The following DCAF16 variants were observed in gnomAD, a reference collection of about 807,000 sequenced individuals.
DCAF16 encodes DDB1- and CUL4-associated factor 16.
Under a neutral mutation model 17.3 loss-of-function variants are expected in DCAF16, and 10 were observed. The observed-to-expected ratio is 0.58, with a 90% CI of 0.36 to 0.98. The LOEUF is 0.98. Among genes scored for constraint, DCAF16 ranks in the 50% least tolerant of loss-of-function variants. DCAF16 has a pLI of 0.01. For synonymous variants in DCAF16, 111 were observed against 92.8 expected (o/e 1.20, Z -1.12); for missense variants, 249 against 247.6 (o/e 1.01, Z -0.04).
chr4:17,810,154 G>A (rs1005063623), intron 1 of DCAF16, among the ~76,000 whole-genome samples: 1 of 152,112 alleles, frequency 6.6e-6, no homozygotes, highest in Non-Finnish European at 1.5e-5. Flanking sequence ...CAGAAGTTCT[G>A]TCTGATATAA....
intron 1 of DCAF16, among the ~76,000 whole-genome samples, chr4:17,810,198 CTTCTT>C (rs1024475326): frequency 8.5e-5 from 13 of 152,174 alleles, no homozygotes; most frequent in African/African-American, 3.1e-4. Flanking sequence ...AGTTCCTACT[CTTCTT>C]TATTTTAACC....
intron 1 of DCAF16, among the ~76,000 whole-genome samples, chr4:17,810,160 T>A (rs1259169059): frequency 1.3e-5 from 2 of 152,230 alleles, no homozygotes; most frequent in Non-Finnish European, 2.9e-5. Context: ...TTCTGTCTGA[T>A]ATAATTTCAT....
chr4:17,798,613 A>G (rs1269862498), downstream of DCAF16, among the ~76,000 whole-genome samples: 1 of 151,974 alleles, frequency 6.6e-6, no homozygotes, highest in Non-Finnish European at 1.5e-5. Context: ...AAAAAATAAT[A>G]ATAATAATAA....
chr4:17,804,200 G>T lies in DCAF16; in HGVS notation c.-59C>A. The T allele has an allele frequency of 7.3e-7, 1 of 1,362,072 alleles. No individual in the cohort carries two copies. Among genetic ancestry groups the T allele is most frequent in the Non-Finnish European group, 1.0e-6 (1 of 987,544 alleles). The allele number at this position is 1,362,072 out of a possible 1,614,324, so 84.4% of individuals were successfully genotyped here. ...TAATAATCTAAGCCAGCAGAACACT[G>T]ACTAACACTGGCAAATAGAAATAAG... On this transcript the variant is annotated 5_prime_UTR_variant, in exon 3 of 3. Transcript: ENST00000382247.
At chr4:17,799,167 G>A (rs1232053678), downstream of DCAF16, among the ~76,000 whole-genome samples, 3 of 152,086 alleles carry the variant, frequency 2.0e-5, no homozygotes, top group Admixed American at 6.5e-5. Context: ...CCATTTCCTT[G>A]GCTGAGTATC....
chr4:17,803,111 G>T lies in DCAF16; in HGVS notation c.*380C>A, dbSNP rs530613520. The T allele has an allele frequency of 1.0e-4, 19 of 182,054 alleles. No individual in the cohort carries two copies. In the South Asian group the frequency reaches 2.2e-3, roughly 21 times the overall value. 11.3% of individuals were successfully genotyped at this position (182,054 alleles called of 1,614,324 possible). A position where few individuals can be genotyped will look rare whatever the true frequency, so the allele number is the denominator to read the frequency against. On this transcript the variant is annotated 3_prime_UTR_variant, in exon 3 of 3. Coordinates refer to ENST00000382247, the MANE Select transcript of DCAF16 (RefSeq NM_017741.4). ...ATAATCTCAACTCACCGCAACCTCC[G>T]TCTCCTGGGTTCAAGTGATTCTCCT...
chr4:17,794,886 C>T, the DCAF16 span, among the ~76,000 whole-genome samples: 1 of 152,132 alleles, frequency 6.6e-6, no homozygotes, highest in Admixed American at 6.5e-5. Flanking sequence ...ACTTTGTTCC[C>T]AGTTTTCCTA....
At chr4:17,808,127 C>T (rs938618357) in intron 1 of DCAF16, among the ~76,000 whole-genome samples, 5 of 152,120 alleles carry the variant, frequency 3.3e-5, no homozygotes, top group Non-Finnish European at 2.9e-5. Flanking sequence ...AAGGCAGGAT[C>T]AACATATATG....
chr4:17,809,034 A>G (rs1052244892), intron 1 of DCAF16, among the ~76,000 whole-genome samples: 3 of 152,184 alleles, frequency 2.0e-5, no homozygotes, highest in African/African-American at 2.4e-5. Flanking sequence ...GTCTCAAAAT[A>G]AAAATAAAAA....
At chr4:17,810,166 T>A (rs1720760049) in intron 1 of DCAF16, among the ~76,000 whole-genome samples, 1 of 152,196 alleles carries the variant, frequency 6.6e-6, no homozygotes, top group African/African-American at 2.4e-5. Flanking sequence ...CTGATATAAT[T>A]TCATTTAAAA....
rs373214517 is a variant in DCAF16, at chr4:17,804,456, AG to A, written c.-316del. The A allele has an allele frequency of 1.1e-4, 36 of 339,854 alleles. 1 individual carries two copies. In the East Asian group the frequency reaches 1.1e-3, roughly 10 times the overall value. 21.1% of individuals were successfully genotyped at this position (339,854 alleles called of 1,614,324 possible). The stretch of plus-strand genomic sequence containing the variant: ...CAAATCCTGGCTACCCAAGAATAGA[AG>A]GGGTCCTCATCTAGGCAAGCTGATT... On this transcript the variant is annotated 5_prime_UTR_variant, in exon 3 of 3. An upstream open reading frame in the 5' UTR gains an earlier in-frame stop. Coordinates refer to ENST00000382247, the MANE Select transcript of DCAF16 (RefSeq NM_017741.4).
chr4:17,797,953 AACTATAGT>A (rs1719501968), downstream of DCAF16, among the ~76,000 whole-genome samples: 1 of 152,206 alleles, frequency 6.6e-6, no homozygotes, highest in Non-Finnish European at 1.5e-5. Flanking sequence ...CCCCAAATAA[AACTATAGT>A]ACCAGCTCCT....
At chr4:17,809,085 C>T (rs1314701037) in intron 1 of DCAF16, among the ~76,000 whole-genome samples, 1 of 152,060 alleles carries the variant, frequency 6.6e-6, no homozygotes, top group Non-Finnish European at 1.5e-5. Context: ...TTATGGGCAA[C>T]ACAAATGTTA....
rs1339513447 is a variant in DCAF16, at chr4:17,800,953, A to T, written c.*2538T>A. ...GGAACAATTTCTGATACATTCAGTT[A>T]CACTAACAATATGATATGGTTTCAG... is the stretch of plus-strand genomic sequence containing the variant. On this transcript the variant is annotated 3_prime_UTR_variant, in exon 3 of 3. Transcript: ENST00000382247. 6.6e-6 allele frequency: 1 copy of T among 152,500 alleles called. No individual in the cohort carries two copies. The highest frequency in any genetic ancestry group is 1.5e-5 in the Non-Finnish European group (1 of 68,030). 9.4% of individuals were successfully genotyped at this position (152,500 alleles called of 1,614,324 possible).
chr4:17,796,153 AAAG>A (rs1442205680), downstream of DCAF16, among the ~76,000 whole-genome samples: 12 of 152,200 alleles, frequency 7.9e-5, no homozygotes, highest in Admixed American at 1.3e-4. Flanking sequence ...CCTGCCTACA[AAAG>A]AAGAGCAAAA....
the DCAF16 span, among the ~76,000 whole-genome samples, chr4:17,794,603 A>G: frequency 0.018 from 2,700 of 152,312 alleles, 31 homozygotes; most frequent in Non-Finnish European, 0.026. Flanking sequence ...CAAAATTGAG[A>G]TTTCCCTAAG....
chr4:17,796,665 C>A (rs1719441689), downstream of DCAF16, among the ~76,000 whole-genome samples: 1 of 152,208 alleles, frequency 6.6e-6, no homozygotes, highest in South Asian at 2.1e-4. Flanking sequence ...CGAGATCGCA[C>A]CACTGCGTTC....
Position 17,800,706 on chromosome 4 carries a change from C to T in DCAF16, c.*2785G>A, listed in dbSNP as rs1560206306. 2 of 152,770 alleles carry T rather than the reference C, an allele frequency of 1.3e-5. No individual in the cohort carries two copies. Among genetic ancestry groups the T allele is most frequent in the South Asian group, 2.1e-4 (1 of 4,830 alleles). 9.5% of individuals were successfully genotyped at this position (152,770 alleles called of 1,614,324 possible). A position where few individuals can be genotyped will look rare whatever the true frequency, so the allele number is the denominator to read the frequency against. On this transcript the variant is annotated 3_prime_UTR_variant, in exon 3 of 3. Transcript: ENST00000382247. ...ATTCAGCTGCCAAGCTGGGGAAAGGCTTCCTTTCGAAGTGAATAGCAAAAA... is the reference window on the plus strand; with the variant it reads ...ATTCAGCTGCCAAGCTGGGGAAAGGTTTCCTTTCGAAGTGAATAGCAAAAA...
the DCAF16 span, among the ~76,000 whole-genome samples, chr4:17,794,480 G>A: frequency 4.6e-5 from 7 of 152,218 alleles, no homozygotes; most frequent in South Asian, 1.2e-3. Context: ...TTTTGGATTA[G>A]GAATGCTCAA....
Sources: gnomAD v4.1 joint callset for allele counts (sites outside exome capture counted in the v4.1 genomes callset) on GRCh38, gnomAD v4.1.1 for gene constraint, MANE v1.5 for transcripts, NCBI Gene and HGNC (gene_info 2026-07-23, HGNC 2026-07-21) for gene names.